Variants in EIF2AK3 observed in about 807,000 individuals in gnomAD.
EIF2AK3 encodes the protein eukaryotic translation initiation factor 2-alpha kinase 3.
Under a neutral mutation model 113.5 loss-of-function variants are expected in EIF2AK3, and 50 were observed. The observed-to-expected ratio is 0.44, with a 90% CI of 0.35 to 0.56. The LOEUF is 0.56. Among genes scored for constraint, EIF2AK3 ranks in the 20% least tolerant of loss-of-function variants. EIF2AK3 has a pLI of 0.00. For missense variants in EIF2AK3, 1,185 were observed against 1,378.0 expected (o/e 0.86, Z 2.22); for synonymous variants, 448 against 495.4 (o/e 0.90, Z 1.27).
intron 15 of EIF2AK3, among the ~76,000 whole-genome samples, chr2:88,561,271 T>C (rs1673949903): frequency 6.6e-6 from 1 of 151,060 alleles, no homozygotes; most frequent in Non-Finnish European, 1.5e-5. Context: ...TACTTTTTTT[T>C]TTTTTTTCGA....
chr2:88,558,987 G>C lies in EIF2AK3; in HGVS notation c.3088-8C>G. The C allele has an allele frequency of 6.5e-7, 1 of 1,547,598 alleles. No homozygotes were observed. On this transcript the variant is annotated splice_region_variant and splice_polypyrimidine_tract_variant and intron_variant, in intron 15 of 16. Transcript: ENST00000303236. ...TCTTACATCAGTTAAGGTCTAAAAA[G>C]AAAAAAAGTATCACTTATTAAGTTT...
chr2:88,617,374 G>A (rs1157766165), intron 1 of EIF2AK3, among the ~76,000 whole-genome samples: 1 of 152,126 alleles, frequency 6.6e-6, no homozygotes, highest in Non-Finnish European at 1.5e-5. Flanking sequence ...AATCCTAAGC[G>A]AATTAACACA....
intron 11 of EIF2AK3, 118 bp downstream of exon 11, chr2:88,579,400 T>C: frequency 2.2e-6 from 3 of 1,384,062 alleles, no homozygotes; most frequent in Non-Finnish European, 3.0e-6. Flanking sequence ...ACCTAAGATT[T>C]GAAACGTCTG....
intron 14 of EIF2AK3, among the ~76,000 whole-genome samples, chr2:88,565,875 G>A (rs1674103942): frequency 6.6e-6 from 1 of 152,114 alleles, no homozygotes; most frequent in South Asian, 2.1e-4. Context: ...ATTTGAGCAG[G>A]ATGATTTAAT....
chr2:88,570,663 T>C lies in EIF2AK3; in HGVS notation c.2985+211A>G, dbSNP rs372704460. 2.7e-4 allele frequency among the ~76,000 whole-genome samples: 41 copies of C among 152,304 alleles called. No individual in the cohort carries two copies. The South Asian group carries it at 7.5e-3, about 28-fold the overall frequency. On this transcript the variant is annotated intron_variant, in intron 14 of 16. Coordinates refer to ENST00000303236, the MANE Select transcript of EIF2AK3 (RefSeq NM_004836.7). The stretch of plus-strand genomic sequence containing the variant: ...GTTCAGGGGGTGAGTGCATTTTATG[T>C]GTTGTATTTTTCTTAATCCAGCCCC...
chr2:88,561,043 C>T (rs549029620), intron 15 of EIF2AK3, among the ~76,000 whole-genome samples: 1 of 152,228 alleles, frequency 6.6e-6, no homozygotes, highest in Admixed American at 6.5e-5. Flanking sequence ...CTGTGTCGCC[C>T]AGGCTGGAGT....
At chr2:88,622,030 G>A (rs186360887) in intron 1 of EIF2AK3, among the ~76,000 whole-genome samples, 107 of 151,550 alleles carry the variant, frequency 7.1e-4, no homozygotes, top group Middle Eastern at 3.4e-3. Context: ...CTGAGTAGCT[G>A]GGACTACAGA....
chr2:88,606,419 T>C (rs1573416601), intron 2 of EIF2AK3, among the ~76,000 whole-genome samples: 1 of 152,334 alleles, frequency 6.6e-6, no homozygotes, highest in African/African-American at 2.4e-5. Flanking sequence ...GCTAAGGGAT[T>C]AATATAACAA....
chr2:88,623,812 A>G (rs1287664983), intron 1 of EIF2AK3, among the ~76,000 whole-genome samples: 1 of 152,170 alleles, frequency 6.6e-6, no homozygotes, highest in Non-Finnish European at 1.5e-5. Flanking sequence ...TCCACACTAC[A>G]AGGCAGACCC....
intron 1 of EIF2AK3, among the ~76,000 whole-genome samples, chr2:88,618,651 A>G (rs573123403): frequency 2.0e-5 from 3 of 152,370 alleles, no homozygotes; most frequent in South Asian, 4.1e-4. Context: ...GTTTTACCTT[A>G]GTCATTTCCA....
chr2:88,604,582 A>C (rs1185096676), intron 2 of EIF2AK3, among the ~76,000 whole-genome samples: 3 of 152,158 alleles, frequency 2.0e-5, no homozygotes, highest in African/African-American at 7.2e-5. Context: ...TTGCCTCCCT[A>C]GCTGGCTCCA....
At chr2:88,616,011 G>A (rs368754916) in intron 1 of EIF2AK3, among the ~76,000 whole-genome samples, 1 of 151,626 alleles carries the variant, frequency 6.6e-6, no homozygotes, top group African/African-American at 2.4e-5. Flanking sequence ...ATGGCTTCCA[G>A]GTCACCACGC....
Position 88,574,714 on chromosome 2 carries a change from C to A in EIF2AK3, c.2769G>T (p.Glu923Asp). ...CTTTACTGTGAAGAAACTCCACTGC[C>A]TCTGCGATCTGCAGGAAGATGTGCA... ...VCLHIFLQIA[E>D]AVEFLHSKGL... The change falls in exon 13 of 17, where the codon GAG (glutamate) becomes GAT (aspartate). Residue 923 changes from glutamate (E) to aspartate (D), a missense_variant. This residue lies in a region of EIF2AK3 where 877 missense variants were observed against 1,024.2 expected (regional missense o/e 0.86). Transcript: ENST00000303236. The A allele has an allele frequency of 6.2e-7, 1 of 1,614,184 alleles. No individual in the cohort carries two copies. Among genetic ancestry groups the A allele is most frequent in the Non-Finnish European group, 8.5e-7 (1 of 1,180,026 alleles).
At chr2:88,610,078 C>T (rs370817407) in intron 2 of EIF2AK3, among the ~76,000 whole-genome samples, 124 of 151,798 alleles carry the variant, frequency 8.2e-4, no homozygotes, top group African/African-American at 2.9e-3. Flanking sequence ...GCTATGATCA[C>T]GCCACTGCAC....
intron 13 of EIF2AK3, among the ~76,000 whole-genome samples, chr2:88,572,005 G>A (rs1301398042): frequency 1.3e-5 from 2 of 152,036 alleles, no homozygotes; most frequent in Non-Finnish European, 2.9e-5. Flanking sequence ...CCCTTGAAAT[G>A]AGGAAAAAGG....
At chr2:88,625,253 C>A (rs911551223) in intron 1 of EIF2AK3, among the ~76,000 whole-genome samples, 7 of 149,684 alleles carry the variant, frequency 4.7e-5, no homozygotes. Flanking sequence ...CCCTGCCTAG[C>A]ATACATATGT....
Position 88,627,345 on chromosome 2 carries a change from C to T in EIF2AK3, c.-71G>A. 3.6e-6 allele frequency: 5 copies of T among 1,407,636 alleles called. No individual in the cohort carries two copies. The highest frequency in any genetic ancestry group is 3.7e-6 in the Non-Finnish European group (4 of 1,079,464). The allele number at this position is 1,407,636 out of a possible 1,614,324, so 87.2% of individuals were successfully genotyped here. A position where few individuals can be genotyped will look rare whatever the true frequency, so the allele number is the denominator to read the frequency against. On this transcript the variant is annotated 5_prime_UTR_variant, in exon 1 of 17. Coordinates refer to ENST00000303236, the MANE Select transcript of EIF2AK3 (RefSeq NM_004836.7). ...CCTGCCTCTCCCGCCGCTTGGAGCTCCCAAGAAGGCAAGGACGTGCTAGGG... is the reference window on the plus strand; with the variant it reads ...CCTGCCTCTCCCGCCGCTTGGAGCTTCCAAGAAGGCAAGGACGTGCTAGGG...
intron 4 of EIF2AK3, among the ~76,000 whole-genome samples, chr2:88,591,750 T>C (rs1225596045): frequency 1.3e-5 from 2 of 152,168 alleles, no homozygotes; most frequent in African/African-American, 4.8e-5. Context: ...TAGTTAAGAA[T>C]TCTGACATTT....
intron 8 of EIF2AK3, among the ~76,000 whole-genome samples, chr2:88,587,311 A>G (rs951398694): frequency 6.6e-6 from 1 of 151,374 alleles, no homozygotes; most frequent in African/African-American, 2.4e-5. Flanking sequence ...CAGTGCTAAC[A>G]TCTAGGGTAA....
Sources: allele counts gnomAD v4.1 joint callset (sites outside exome capture counted in the v4.1 genomes callset), GRCh38; gene constraint gnomAD v4.1.1; regional missense constraint gnomAD v4.1.1; transcripts MANE v1.5; gene names NCBI Gene and HGNC (gene_info 2026-07-23, HGNC 2026-07-21).